Variants in TBRG4 observed in about 807,000 individuals in gnomAD.
TBRG4 encodes the protein FAST kinase domain-containing protein 4.
A neutral mutation model predicts 65.6 loss-of-function variants in TBRG4; 43 were observed. The ratio of observed to expected loss-of-function variants is 0.66; its 90% CI spans 0.51 to 0.85. TBRG4 has a LOEUF of 0.85. TBRG4 is among the 40% of genes least tolerant of loss of function. The probability of loss-of-function intolerance (pLI) is 0.00; values close to 1 mark genes in which losing one functional copy is unlikely to be tolerated. For missense variants in TBRG4, 709 were observed against 787.9 expected (o/e 0.90, Z 1.20); for synonymous variants, 366 against 341.4 (o/e 1.07, Z -0.79).
In TBRG4 at chr7:45,103,906, G is replaced by C. The variant is rs1784850768; in HGVS notation, c.1065+193C>G. The C allele has an allele frequency of 6.5e-6, 5 of 771,974 alleles. No individual in the cohort carries two copies. The South Asian group carries it at 9.7e-5, about 15-fold the overall frequency. The allele number at this position is 771,974 out of a possible 1,614,324, so 47.8% of individuals were successfully genotyped here. A position where few individuals can be genotyped will look rare whatever the true frequency, so the allele number is the denominator to read the frequency against. ...TTATAATGGTCAGTGAAAGAACAGA[G>C]GAAACAGTTCTCAAACACTTTTTTG... is the stretch of plus-strand genomic sequence containing the variant. On this transcript the variant is annotated intron_variant, in intron 5 of 10. Coordinates refer to ENST00000258770, the MANE Select transcript of TBRG4 (RefSeq NM_004749.4).
At chr7:45,102,196 T>TTA in intron 7 of TBRG4, 126 bp from the exon 8 acceptor site, 1 of 1,532,490 alleles carries the variant, frequency 6.5e-7, no homozygotes, top group Admixed American at 1.9e-5. Context: ...GGCAGCAGAG[T>TTA]TACGGTCTGC....
chr7:45,107,951 CA>C (rs1785011888), intron 2 of TBRG4, among the ~76,000 whole-genome samples: 1 of 152,202 alleles, frequency 6.6e-6, no homozygotes, highest in African/African-American at 2.4e-5. Context: ...TTAACTAGAA[CA>C]AAAGTTCCAT....
intron 1 of TBRG4, 47 bp downstream of exon 1, chr7:45,111,596 C>G (rs143510798): frequency 4.2e-5 from 54 of 1,289,382 alleles, no homozygotes; most frequent in Non-Finnish European, 5.2e-5. Flanking sequence ...GTTGTGCACT[C>G]GAAACCCACG....
At position 45,100,236 on chromosome 7, in the gene TBRG4, C is replaced by G; in HGVS notation, c.*89G>C. The G allele has an allele frequency of 6.4e-6, 7 of 1,097,386 alleles. No homozygotes were observed. The highest frequency in any genetic ancestry group is 7.9e-6 in the Non-Finnish European group (6 of 756,754). The allele number at this position is 1,097,386 out of a possible 1,614,324, so 68.0% of individuals were successfully genotyped here. A position where few individuals can be genotyped will look rare whatever the true frequency, so the allele number is the denominator to read the frequency against. On this transcript the variant is annotated 3_prime_UTR_variant, in exon 11 of 11. Coordinates refer to ENST00000258770, the MANE Select transcript of TBRG4 (RefSeq NM_004749.4). ...TCCCCACTCTGGCCAAGGTCCTGCA[C>G]AGAGGTTTGTCCTCAAGGGTGACCC...
chr7:45,104,935 TCCCAGGGTAGGTGACCCAGGG>T, intron 3 of TBRG4: 1 of 812,318 alleles, frequency 1.2e-6, no homozygotes, highest in Non-Finnish European at 2.2e-6. Context: ...TATCCCCAGG[TCCCAGGGTAGGTGACCCAGGG>T]CCCATGAGCT....
intron 5 of TBRG4, chr7:45,103,653 G>A (rs1784841960): frequency 3.5e-6 from 2 of 576,342 alleles, no homozygotes; most frequent in Admixed American, 3.1e-5. Flanking sequence ...CACAGAGGCT[G>A]GGGACACCTA....
At chr7:45,111,569 T>C in intron 1 of TBRG4, 74 bp downstream of exon 1, 5 of 1,285,890 alleles carry the variant, frequency 3.9e-6, no homozygotes, top group Non-Finnish European at 5.1e-6. Flanking sequence ...TCCCAGGACC[T>C]TCCCAGCCAC....
intron 6 of TBRG4, chr7:45,102,893 C>A: frequency 3.3e-6 from 1 of 302,672 alleles, no homozygotes; most frequent in South Asian, 4.5e-5. Flanking sequence ...CACTCCCCAG[C>A]CCCTGGCTAA....
In TBRG4 at chr7:45,105,932, C is replaced by T. The variant is rs139264342; in HGVS notation, c.412-168G>A. The stretch of plus-strand genomic sequence containing the variant: ...AACAGGGCCCCAGTGCCTGGCTGCT[C>T]CTCACAGCCTTGCTCAGCCTCGAGG... On this transcript the variant is annotated intron_variant, in intron 2 of 10. Transcript: ENST00000258770. 2.8e-4 allele frequency: 255 copies of T among 911,890 alleles called. 2 individuals are homozygous for T. The African/African-American group carries it at 3.4e-3, about 12-fold the overall frequency. 56.5% of individuals were successfully genotyped at this position (911,890 alleles called of 1,614,324 possible).
In TBRG4 at chr7:45,108,985, G is replaced by C; in HGVS notation, c.253C>G (p.Leu85Val). Residue 85 changes from leucine to valine, a missense_variant, in exon 2 of 11, where the codon CTC becomes GTC. Leu to Val is a conservative substitution (Grantham distance 32). Transcript: ENST00000258770. ...LIKKATRPEELLELLGGSHDL... is the reference protein window; with the variant it reads ...LIKKATRPEEVLELLGGSHDL... ...TGACTGCCACCAAGTAGCTCCAGGA[G>C]CTCCTCTGGCCTTGTGGCCTTCTTG... 1 of 1,612,448 alleles carries C rather than the reference G, an allele frequency of 6.2e-7. No homozygotes were observed. Among genetic ancestry groups the C allele is most frequent in the Non-Finnish European group, 8.5e-7 (1 of 1,179,276 alleles).
At chr7:45,108,311 G>A (rs1279131188) in intron 2 of TBRG4, among the ~76,000 whole-genome samples, 1 of 152,220 alleles carries the variant, frequency 6.6e-6, no homozygotes, top group Non-Finnish European at 1.5e-5. Flanking sequence ...ACTGGCTTCT[G>A]TAGTCTGAGT....
At position 45,100,330 on chromosome 7, in the gene TBRG4, T is replaced by C. The variant is rs1314354362; in HGVS notation, c.1891A>G (p.Lys631Glu). The C allele has an allele frequency of 1.9e-6, 3 of 1,613,858 alleles. No homozygotes were observed. Among genetic ancestry groups the C allele is most frequent in the Non-Finnish European group, 2.5e-6 (3 of 1,179,940 alleles). The change falls in exon 11 of 11, where the codon AAG (lysine) becomes GAG (glutamate). Residue 631 changes from lysine to glutamate, a missense_variant. By Grantham distance (56) the Lys-to-Glu change is moderately conservative. Coordinates refer to ENST00000258770, the MANE Select transcript of TBRG4 (RefSeq NM_004749.4). ...MRKAVAEELA[K>E] Reference sequence around the variant, plus strand: ...GTCCATGCTGCTGGCACAAGTCACTTGGCCAGCTCCTCAGCCACCGCTTTG... The same window carrying C: ...GTCCATGCTGCTGGCACAAGTCACTCGGCCAGCTCCTCAGCCACCGCTTTG...
rs1300764010 is a variant in TBRG4, at chr7:45,105,430, A to G, written c.735+11T>C. 5.1e-6 allele frequency: 8 copies of G among 1,576,728 alleles called. No homozygotes were observed. Among genetic ancestry groups the G allele is most frequent in the Non-Finnish European group, 6.9e-6 (8 of 1,159,512 alleles). ...GGCAGGCTGGGTGCCACCTGCTTTC[A>G]GGCCCAGTACCTTGTCTTCCAGGCG... is the stretch of plus-strand genomic sequence containing the variant. On this transcript the variant is annotated intron_variant, in intron 3 of 10. Coordinates refer to ENST00000258770, the MANE Select transcript of TBRG4 (RefSeq NM_004749.4).
Position 45,101,342 on chromosome 7 carries a change from G to A in TBRG4, c.1710C>T (p.Asn570=). 15 of 1,614,012 alleles carry A rather than the reference G, an allele frequency of 9.3e-6. No homozygotes were observed. The highest frequency in any genetic ancestry group is 1.2e-5 in the Non-Finnish European group (14 of 1,180,016). Residue 570 remains asparagine, a synonymous_variant, in exon 10 of 11, where the codon AAC becomes AAT. Transcript: ENST00000258770. ...GCAAGTCCTTGCTTCGGCTGTTGAA[G>A]TTGGGGAACTCCCACCGCAAGAACG... ...RLAFLRWEFP[N]FNSRSKDLLG...
intron 8 of TBRG4, 68 bp from the exon 9 acceptor site, chr7:45,101,682 T>C: frequency 6.3e-7 from 1 of 1,598,164 alleles, no homozygotes; most frequent in South Asian, 1.1e-5. Context: ...ACAGGAAAGA[T>C]GAACAAAGAT....
At chr7:45,102,942 T>A (rs956007802) in intron 6 of TBRG4, 1 of 311,728 alleles carries the variant, frequency 3.2e-6, no homozygotes, top group African/African-American at 2.1e-5. Context: ...CCTGATGGAA[T>A]CCCAGGGAGC....
At chr7:45,102,990 C>G (rs1784815430) in intron 6 of TBRG4, 3 of 390,832 alleles carry the variant, frequency 7.7e-6, no homozygotes, top group South Asian at 7.5e-5. Flanking sequence ...CTGTGGCTGT[C>G]CTAAGGTCTT....
rs1202896113 is a variant in TBRG4, at chr7:45,105,453, G to A, written c.723C>T (p.Arg241=). The A allele has an allele frequency of 6.2e-7, 1 of 1,601,516 alleles. No homozygotes were observed. The highest frequency in any genetic ancestry group is 1.1e-5 in the South Asian group (1 of 89,346). Residue 241 remains arginine, a synonymous_variant, in exon 3 of 11, where the codon CGC becomes CGT. Coordinates refer to ENST00000258770, the MANE Select transcript of TBRG4 (RefSeq NM_004749.4). ...TCAGGCCCAGTACCTTGTCTTCCAG[G>A]CGGTTCATTAGTGGCTCCGAGAGGT... ...VGHLSEPLMN[R]LEDKCLELVE... is the part of the protein sequence containing the mutation.
intron 4 of TBRG4, 84 bp from the exon 5 acceptor site, chr7:45,104,340 C>G (rs1584028701): frequency 6.3e-7 from 1 of 1,596,792 alleles, no homozygotes; most frequent in Non-Finnish European, 8.6e-7. Context: ...GCCTCGAGGT[C>G]TAGATATTTG....
Sources: allele counts gnomAD v4.1 joint callset (sites outside exome capture counted in the v4.1 genomes callset), GRCh38; gene constraint gnomAD v4.1.1; transcripts MANE v1.5; gene names NCBI Gene and HGNC (gene_info 2026-07-23, HGNC 2026-07-21).